Variants in TTC9 observed in about 807,000 individuals in gnomAD.
TTC9 encodes tetratricopeptide repeat domain 9, also known as tetratricopeptide repeat protein 9A.
TTC9 carries 13 observed loss-of-function variants against 22.9 expected under a neutral mutation model. That is an observed-to-expected ratio of 0.57 (90% CI 0.37 to 0.90). The LOEUF (loss-of-function observed/expected upper bound fraction) is 0.90, where lower values mean the gene tolerates loss of function less well. Among genes scored for constraint, TTC9 ranks in the 40% least tolerant of loss-of-function variants. The probability of loss-of-function intolerance (pLI) is 0.01; values close to 1 mark genes in which losing one functional copy is unlikely to be tolerated. For missense variants in TTC9, 280 were observed against 291.8 expected (o/e 0.96, Z 0.29); for synonymous variants, 148 against 133.2 (o/e 1.11, Z -0.77).
rs1201159570 is a variant in TTC9 at position 70,672,676 on chromosome 14, A to ATAGT, written c.*1525_*1528dup. 1 of 152,248 alleles carries ATAGT rather than the reference A, an allele frequency of 6.6e-6. No individual in the cohort carries two copies. The allele number at this position is 152,248 out of a possible 1,614,324, so 9.4% of individuals were successfully genotyped here. ...AATATATACAGATGCAATAATGTGA[A>ATAGT]TAGTTAGGATTTATTAAATGCATTA... On this transcript the variant is annotated 3_prime_UTR_variant, in exon 3 of 3. Coordinates refer to ENST00000256367, the MANE Select transcript of TTC9 (RefSeq NM_015351.2).
intron 1 of TTC9, among the ~76,000 whole-genome samples, chr14:70,665,404 C>A (rs910981389): frequency 2.6e-5 from 4 of 152,162 alleles, no homozygotes; most frequent in Admixed American, 1.3e-4. Flanking sequence ...CGACAACATG[C>A]AGGTGAGGAA....
intron 1 of TTC9, among the ~76,000 whole-genome samples, chr14:70,653,229 C>T (rs553885699): frequency 6.6e-6 from 1 of 152,282 alleles, no homozygotes; most frequent in East Asian, 1.9e-4. Flanking sequence ...CTCCAGTATG[C>T]ATGAAGACAG....
At chr14:70,651,202 T>G (rs932374749) in intron 1 of TTC9, among the ~76,000 whole-genome samples, 1 of 152,198 alleles carries the variant, frequency 6.6e-6, no homozygotes, top group Non-Finnish European at 1.5e-5. Context: ...GGATGGCCTC[T>G]AACTCCCAGC....
Position 70,642,396 on chromosome 14 carries a change from G to C in TTC9, c.267G>C (p.Gly89=). Residue 89 remains glycine (G), a synonymous_variant, in exon 1 of 3, where the codon GGG becomes GGC. Transcript: ENST00000256367. ...KYHRALLELK[G]LLPPPGERER... is the part of the protein sequence containing the mutation. ...ACCGGGCGTTGCTGGAGCTGAAGGG[G>C]CTGCTGCCGCCCCCCGGGGAACGGG... The C allele has an allele frequency of 6.2e-7, 1 of 1,602,246 alleles. No homozygotes were observed. Among genetic ancestry groups the C allele is most frequent in the Non-Finnish European group, 8.5e-7 (1 of 1,175,436 alleles).
At chr14:70,666,039 T>A (rs1886210848) in intron 1 of TTC9, among the ~76,000 whole-genome samples, 1 of 152,004 alleles carries the variant, frequency 6.6e-6, no homozygotes, top group Non-Finnish European at 1.5e-5. Flanking sequence ...TTGTACTCCC[T>A]CCGAAGTATG....
At chr14:70,668,297 T>C (rs1255922238) in intron 2 of TTC9, among the ~76,000 whole-genome samples, 1 of 152,198 alleles carries the variant, frequency 6.6e-6, no homozygotes, top group Non-Finnish European at 1.5e-5. Context: ...CAGATATTTA[T>C]TGAGGGGGTA....
At chr14:70,665,173 CAA>C (rs1306588694) in intron 1 of TTC9, among the ~76,000 whole-genome samples, 1 of 152,070 alleles carries the variant, frequency 6.6e-6, no homozygotes, top group Non-Finnish European at 1.5e-5. Flanking sequence ...AGTGTCTGTT[CAA>C]AGAGGGAGGG....
At chr14:70,655,069 A>C (rs905871123) in intron 1 of TTC9, among the ~76,000 whole-genome samples, 2 of 152,210 alleles carry the variant, frequency 1.3e-5, no homozygotes, top group African/African-American at 4.8e-5. Flanking sequence ...CTTTAGGCTA[A>C]ATTTAATTTA....
chr14:70,644,725 A>G (rs1192355875), intron 1 of TTC9, among the ~76,000 whole-genome samples: 1 of 152,218 alleles, frequency 6.6e-6, no homozygotes, highest in East Asian at 1.9e-4. Context: ...GGCTATTTCC[A>G]AATGTCAAGT....
chr14:70,661,472 C>T (rs181457229), intron 1 of TTC9, among the ~76,000 whole-genome samples: 1 of 152,316 alleles, frequency 6.6e-6, no homozygotes, highest in Admixed American at 6.5e-5. Context: ...TCCATTTAGC[C>T]CATGTTTCCC....
chr14:70,658,678 A>G (rs1886099403), intron 1 of TTC9, among the ~76,000 whole-genome samples: 1 of 152,262 alleles, frequency 6.6e-6, no homozygotes, highest in Admixed American at 6.5e-5. Flanking sequence ...GTTGATGACA[A>G]GAAATGAAAT....
intron 1 of TTC9, among the ~76,000 whole-genome samples, chr14:70,656,318 T>C (rs1886066928): frequency 3.3e-5 from 5 of 152,158 alleles, no homozygotes. Context: ...CACCAGTGTT[T>C]TCATTGAAAA....
rs1042362046 is a variant in TTC9 at position 70,668,781 on chromosome 14, G to A, written c.589+1035G>A. 8.6e-5 allele frequency among the ~76,000 whole-genome samples: 13 copies of A among 151,340 alleles called. No individual in the cohort carries two copies. The East Asian group carries it at 1.4e-3, about 16-fold the overall frequency. ...CAGAAGGATCACCTGAACCTGGAAG[G>A]CGGAGGCTACAGTGAGCCAAGATGG... On this transcript the variant is annotated intron_variant, in intron 2 of 2. Transcript: ENST00000256367.
At chr14:70,651,182 A>C (rs543061922) in intron 1 of TTC9, among the ~76,000 whole-genome samples, 2 of 152,128 alleles carry the variant, frequency 1.3e-5, no homozygotes, top group African/African-American at 4.8e-5. Flanking sequence ...GGGTTTCGCT[A>C]TGTTGGCCAG....
At chr14:70,643,990 T>C (rs1374846818) in intron 1 of TTC9, among the ~76,000 whole-genome samples, 1 of 152,220 alleles carries the variant, frequency 6.6e-6, no homozygotes, top group Admixed American at 6.5e-5. Context: ...AAGATACAGC[T>C]TGAGTCCTTT....
At chr14:70,642,592 G>A in intron 1 of TTC9, 57 bp downstream of exon 1, 1 of 1,443,754 alleles carries the variant, frequency 6.9e-7, no homozygotes, top group Non-Finnish European at 9.2e-7. Context: ...CGGTCCCTCC[G>A]CGGACCACTG....
chr14:70,658,512 CT>C (rs1886097575), intron 1 of TTC9, among the ~76,000 whole-genome samples: 2 of 152,144 alleles, frequency 1.3e-5, no homozygotes, highest in African/African-American at 4.8e-5. Context: ...GAGAGACCCC[CT>C]AACAGGTTCT....
intron 1 of TTC9, among the ~76,000 whole-genome samples, chr14:70,644,414 G>T (rs894708598): frequency 1.2e-4 from 19 of 152,300 alleles, no homozygotes; most frequent in African/African-American, 4.6e-4. Flanking sequence ...ATAATTAATT[G>T]TGTGTGCTGT....
Position 70,674,169 on chromosome 14 carries a change from C to A in TTC9, c.*3014C>A, listed in dbSNP as rs540153009. On this transcript the variant is annotated 3_prime_UTR_variant, in exon 3 of 3. Transcript: ENST00000256367. ...ATTTAATTCCGTACGTTGCGGATGTCACTGCTGACCTATGTAGCTGGAGTA... is the reference window on the plus strand; with the variant it reads ...ATTTAATTCCGTACGTTGCGGATGTAACTGCTGACCTATGTAGCTGGAGTA... 1.3e-5 allele frequency: 2 copies of A among 152,280 alleles called. No individual in the cohort carries two copies. The highest frequency in any genetic ancestry group is 3.9e-4 in the East Asian group (2 of 5,186). The allele number at this position is 152,280 out of a possible 1,614,324, so 9.4% of individuals were successfully genotyped here. A position where few individuals can be genotyped will look rare whatever the true frequency, so the allele number is the denominator to read the frequency against.
Sources: gnomAD v4.1 joint callset for allele counts (sites outside exome capture counted in the v4.1 genomes callset) on GRCh38, gnomAD v4.1.1 for gene constraint, MANE v1.5 for transcripts, NCBI Gene and HGNC (gene_info 2026-07-23, HGNC 2026-07-21) for gene names.